CCDC126: variants seen among roughly 807,000 people sequenced by gnomAD.
CCDC126 encodes coiled-coil domain-containing protein 126.
A neutral mutation model predicts 11.7 loss-of-function variants in CCDC126; 5 were observed. The observed-to-expected ratio is 0.43, with a 90% confidence interval of 0.22 to 0.90. CCDC126 has a LOEUF of 0.90. Among genes scored for constraint, CCDC126 ranks in the 40% least tolerant of loss-of-function variants. CCDC126 has a pLI of 0.27. For missense variants in CCDC126, 150 were observed against 163.1 expected (o/e 0.92, Z 0.44); for synonymous variants, 60 against 61.9 (o/e 0.97, Z 0.14).
At chr7:23,606,414 T>A (rs1186143648) in intron 2 of CCDC126, among the ~76,000 whole-genome samples, 2 of 152,144 alleles carry the variant, frequency 1.3e-5, no homozygotes, top group Admixed American at 6.5e-5. Flanking sequence ...CATTTTTTTT[T>A]ATTGGCAAAA....
intron 3 of CCDC126, among the ~76,000 whole-genome samples, chr7:23,616,910 G>A (rs1414573138): frequency 6.6e-6 from 1 of 151,864 alleles, no homozygotes; most frequent in Non-Finnish European, 1.5e-5. Context: ...CCAGCATTTG[G>A]GCTCTCTGGA....
At chr7:23,600,449 C>T (rs1782521161) in intron 2 of CCDC126, among the ~76,000 whole-genome samples, 1 of 133,142 alleles carries the variant, frequency 7.5e-6, no homozygotes, top group African/African-American at 2.8e-5. Context: ...GCCCCTTTTT[C>T]CCTGAAATTA....
chr7:23,611,148 T>G (rs1391712952), intron 2 of CCDC126, 23 bp from the exon 3 acceptor site: 1 of 575,900 alleles, frequency 1.7e-6, no homozygotes, highest in African/African-American at 1.9e-5. Flanking sequence ...AGACTAATAC[T>G]GTTTTTCTTC....
chr7:23,622,923 C>T (rs1309077804), intron 3 of CCDC126: 1 of 291,804 alleles, frequency 3.4e-6, no homozygotes, highest in Non-Finnish European at 6.7e-6. Flanking sequence ...ATTCTGTTGA[C>T]CTGTTTGCTC....
chr7:23,627,370 G>A (rs1182970932), intron 3 of CCDC126, among the ~76,000 whole-genome samples: 2 of 151,676 alleles, frequency 1.3e-5, no homozygotes, highest in Admixed American at 6.6e-5. Flanking sequence ...GGCCAGTTGC[G>A]GTGGCTCACC....
intron 3 of CCDC126, among the ~76,000 whole-genome samples, chr7:23,640,990 TG>T (rs1320287848): frequency 0.017 from 2,214 of 133,462 alleles, 113 homozygotes; most frequent in African/African-American, 0.055. Flanking sequence ...TGAATCCTTT[TG>T]GTTTTTTTTT....
chr7:23,610,655 G>A (rs186181869), intron 2 of CCDC126, among the ~76,000 whole-genome samples: 57 of 152,204 alleles, frequency 3.7e-4, no homozygotes, highest in Middle Eastern at 3.4e-3. Flanking sequence ...GTTACCTTAT[G>A]CCCATTAGTA....
At chr7:23,608,613 T>A (rs1167051768) in intron 2 of CCDC126, among the ~76,000 whole-genome samples, 1 of 152,154 alleles carries the variant, frequency 6.6e-6, no homozygotes, top group Non-Finnish European at 1.5e-5. Context: ...CCTTAGAGAA[T>A]AATGCCTAAT....
intron 3 of CCDC126, among the ~76,000 whole-genome samples, chr7:23,641,854 C>G (rs1783363722): frequency 6.6e-6 from 1 of 152,178 alleles, no homozygotes; most frequent in Non-Finnish European, 1.5e-5. Flanking sequence ...TAAGTCAGAA[C>G]TACTGCTAGT....
chr7:23,623,612 A>T (rs1442517845), intron 3 of CCDC126, among the ~76,000 whole-genome samples: 1 of 143,494 alleles, frequency 7.0e-6, no homozygotes, highest in South Asian at 2.3e-4. Flanking sequence ...AAAAAAAAAA[A>T]TTTAGTGATG....
chr7:23,632,032 A>C (rs1284393612), intron 3 of CCDC126, among the ~76,000 whole-genome samples: 1 of 152,090 alleles, frequency 6.6e-6, no homozygotes, highest in African/African-American at 2.4e-5. Context: ...AGATGTGAAC[A>C]TTCTTAAGAA....
Position 23,644,304 on chromosome 7 carries a change from T to A in CCDC126, c.*1189T>A, listed in dbSNP as rs935863818. 2.0e-5 allele frequency: 3 copies of A among 152,512 alleles called. No individual in the cohort carries two copies. Among genetic ancestry groups the A allele is most frequent in the Non-Finnish European group, 4.4e-5 (3 of 67,928 alleles). The allele number at this position is 152,512 out of a possible 1,614,324, so 9.4% of individuals were successfully genotyped here. Reference sequence around the variant, plus strand: ...TGGGTAATTCTAGTATAAAACAAATTATACTTTTATTTAAATTTCCCTTGT... The same window carrying A: ...TGGGTAATTCTAGTATAAAACAAATAATACTTTTATTTAAATTTCCCTTGT... On this transcript the variant is annotated 3_prime_UTR_variant, in exon 4 of 4. Transcript: ENST00000307471.
chr7:23,638,277 G>A (rs1240290219), intron 3 of CCDC126, among the ~76,000 whole-genome samples: 2 of 150,906 alleles, frequency 1.3e-5, no homozygotes, highest in African/African-American at 4.9e-5. Context: ...ATAGAAAGGC[G>A]GGAAGGGTGG....
chr7:23,597,637 G>T (rs928111274), intron 1 of CCDC126, 32 bp downstream of exon 1: 2 of 152,472 alleles, frequency 1.3e-5, no homozygotes, highest in East Asian at 1.9e-4. Flanking sequence ...CGCCAGCCGG[G>T]CCCGCACCTC....
chr7:23,601,755 A>G (rs1171153093), intron 2 of CCDC126: 1 of 152,226 alleles, frequency 6.6e-6, no homozygotes, highest in African/African-American at 2.4e-5. Flanking sequence ...CCCATAGCTC[A>G]TTGAAACCTG....
intron 3 of CCDC126, among the ~76,000 whole-genome samples, chr7:23,614,867 A>G (rs1426418919): frequency 6.6e-6 from 1 of 152,224 alleles, no homozygotes; most frequent in African/African-American, 2.4e-5. Context: ...CTGTAAACAT[A>G]TGTTGTCACC....
At chr7:23,601,124 C>T (rs1782534377) in intron 2 of CCDC126, among the ~76,000 whole-genome samples, 1 of 151,962 alleles carries the variant, frequency 6.6e-6, no homozygotes, top group African/African-American at 2.4e-5. Flanking sequence ...TGGCTCATGC[C>T]TGTAATCCCA....
intron 2 of CCDC126, among the ~76,000 whole-genome samples, chr7:23,601,637 G>T (rs1782546228): frequency 6.6e-6 from 1 of 152,066 alleles, no homozygotes; most frequent in Non-Finnish European, 1.5e-5. Flanking sequence ...AATTCTCTTT[G>T]TGCTTCATTT....
In CCDC126 at chr7:23,606,534, T is replaced by A. The variant is rs181219414; in HGVS notation, c.-145-4637T>A. ...TGGCAAACCACTTGACAAGCAGCTA[T>A]AGGAATCCACTTGGAGGTGGTGATA... is the stretch of plus-strand genomic sequence containing the variant. On this transcript the variant is annotated intron_variant, in intron 2 of 3. Coordinates refer to ENST00000307471, the MANE Select transcript of CCDC126 (RefSeq NM_138771.4). 2.8e-3 allele frequency among the ~76,000 whole-genome samples: 421 copies of A among 152,268 alleles called. 4 individuals carry two copies. The highest frequency in any genetic ancestry group is 9.5e-3 in the African/African-American group (394 of 41,540).
Sources: gnomAD v4.1 joint callset for allele counts (sites outside exome capture counted in the v4.1 genomes callset) on GRCh38, gnomAD v4.1.1 for gene constraint, MANE v1.5 for transcripts, NCBI Gene and HGNC (gene_info 2026-07-23, HGNC 2026-07-21) for gene names.